Variants in DCLK2 observed in about 807,000 individuals in gnomAD.
The protein encoded by DCLK2 is doublecortin like kinase 2.
Under a neutral mutation model 78.4 loss-of-function variants are expected in DCLK2, and 31 were observed. The observed-to-expected ratio is 0.40, with a 90% CI of 0.30 to 0.53. The LOEUF (loss-of-function observed/expected upper bound fraction) is 0.53, where lower values mean the gene tolerates loss of function less well. Ranked by LOEUF, DCLK2 falls within the 20% of genes least tolerant of loss-of-function variation. DCLK2 has a pLI of 0.61. For synonymous variants in DCLK2, 407 were observed against 374.9 expected (o/e 1.09, Z -0.99); for missense variants, 872 against 973.7 (o/e 0.90, Z 1.39).
At chr4:150,199,432 T>G (rs1465126002) in intron 4 of DCLK2, among the ~76,000 whole-genome samples, 6 of 152,192 alleles carry the variant, frequency 3.9e-5, no homozygotes, top group Admixed American at 3.9e-4. Flanking sequence ...TAGAAGCAAT[T>G]TTGATCTTCT....
chr4:150,248,131 T>C (rs891035574), intron 13 of DCLK2, among the ~76,000 whole-genome samples, 174 bp from the exon 14 acceptor site: 21 of 152,230 alleles, frequency 1.4e-4, no homozygotes, highest in Non-Finnish European at 7.3e-5. Context: ...TCTTTTCTTT[T>C]GCACTGCTTA....
intron 5 of DCLK2, among the ~76,000 whole-genome samples, chr4:150,212,106 A>C (rs1740362965): frequency 6.6e-6 from 1 of 152,230 alleles, no homozygotes; most frequent in African/African-American, 2.4e-5. Flanking sequence ...TCGTGTTTTG[A>C]TGCTGAAGTG....
chr4:150,196,204 C>T (rs1031634631), intron 3 of DCLK2, among the ~76,000 whole-genome samples: 1 of 152,126 alleles, frequency 6.6e-6, no homozygotes, highest in Non-Finnish European at 1.5e-5. Flanking sequence ...AGTGAAGTAA[C>T]TACATCCTCG....
In DCLK2 at chr4:150,106,172, T is replaced by G. The variant is rs542778056; in HGVS notation, c.756+3360T>G. ...ATTGCATTTTCAGCGAACCGGGTATTCTTAAAAGCTATAGTTTTCTTAGTG... is the reference window on the plus strand; with the variant it reads ...ATTGCATTTTCAGCGAACCGGGTATGCTTAAAAGCTATAGTTTTCTTAGTG... On this transcript the variant is annotated intron_variant, in intron 2 of 15. Transcript: ENST00000296550. 1.3e-4 allele frequency among the ~76,000 whole-genome samples: 20 copies of G among 151,538 alleles called. No homozygotes were observed. The South Asian group carries it at 4.1e-3, about 31-fold the overall frequency.
At position 150,240,510 on chromosome 4, in the gene DCLK2, C is replaced by T; in HGVS notation, c.1778+34C>T. On this transcript the variant is annotated intron_variant, in intron 12 of 15. Coordinates refer to ENST00000296550, the MANE Select transcript of DCLK2 (RefSeq NM_001040260.4). Reference sequence around the variant, plus strand: ...CCTTTTGGGCGACGTATTTGAATTGCAAATGTTCTCCCTTGGGTCCAGAAG... The same window carrying T: ...CCTTTTGGGCGACGTATTTGAATTGTAAATGTTCTCCCTTGGGTCCAGAAG... 3.3e-6 allele frequency: 5 copies of T among 1,528,078 alleles called. No individual in the cohort carries two copies. In the South Asian group the frequency reaches 4.5e-5, roughly 14 times the overall value. 94.7% of individuals were successfully genotyped at this position (1,528,078 alleles called of 1,614,324 possible).
chr4:150,209,066 G>A (rs956989057), intron 5 of DCLK2, among the ~76,000 whole-genome samples: 1 of 152,328 alleles, frequency 6.6e-6, no homozygotes, highest in East Asian at 1.9e-4. Context: ...AGGACACAGT[G>A]GGAAAGCAAG....
At chr4:150,127,170 A>T (rs926708870) in intron 2 of DCLK2, among the ~76,000 whole-genome samples, 23 of 152,160 alleles carry the variant, frequency 1.5e-4, no homozygotes, top group African/African-American at 5.5e-4. Flanking sequence ...AGGTTTCTCC[A>T]CCTGTACATT....
intron 2 of DCLK2, among the ~76,000 whole-genome samples, chr4:150,170,120 C>A (rs1168592488): frequency 6.6e-6 from 1 of 152,184 alleles, no homozygotes; most frequent in Non-Finnish European, 1.5e-5. Context: ...GTGGCATGAT[C>A]TTGACTCACT....
chr4:150,119,040 AT>A (rs1732323927), intron 2 of DCLK2, among the ~76,000 whole-genome samples: 1 of 26,558 alleles, frequency 3.8e-5, no homozygotes, highest in African/African-American at 1.5e-4. Context: ...AATAACAATA[AT>A]AATATAATAA....
chr4:150,204,017 G>T (rs970436095), intron 5 of DCLK2, 128 bp downstream of exon 5: 3 of 840,014 alleles, frequency 3.6e-6, no homozygotes, highest in Non-Finnish European at 5.4e-6. Context: ...TTTGAGCCTG[G>T]TAGACTTGAC....
At chr4:150,107,711 A>G (rs1042870137) in intron 2 of DCLK2, among the ~76,000 whole-genome samples, 16 of 152,124 alleles carry the variant, frequency 1.1e-4, no homozygotes, top group Middle Eastern at 3.4e-3. Context: ...ATTTAAATCT[A>G]TTTGTCTTCA....
chr4:150,218,107 G>A (rs988547804), intron 5 of DCLK2, among the ~76,000 whole-genome samples: 2 of 27,822 alleles, frequency 7.2e-5, no homozygotes, highest in African/African-American at 2.5e-4. Flanking sequence ...CCCCCACAAC[G>A]AGGCCCCCTG....
At chr4:150,171,037 T>G (rs1037447093) in intron 2 of DCLK2, among the ~76,000 whole-genome samples, 2 of 152,248 alleles carry the variant, frequency 1.3e-5, no homozygotes, top group Admixed American at 1.3e-4. Flanking sequence ...TTTGGTCTTC[T>G]ATAGGTAGCA....
intron 8 of DCLK2, 131 bp downstream of exon 8, chr4:150,224,689 A>G (rs1741464713): frequency 4.9e-6 from 3 of 609,760 alleles, no homozygotes; most frequent in Non-Finnish European, 8.0e-6. Flanking sequence ...TAATAGTGGG[A>G]AAAACAGTTA....
intron 2 of DCLK2, among the ~76,000 whole-genome samples, chr4:150,109,222 G>C (rs1039974031): frequency 1.3e-5 from 2 of 152,090 alleles, no homozygotes; most frequent in Non-Finnish European, 2.9e-5. Flanking sequence ...TTGTTGATAA[G>C]TATTCATAAA....
rs553829135 is a variant in DCLK2, at chr4:150,219,991, A to G, written c.1057-712A>G. 5.9e-5 allele frequency among the ~76,000 whole-genome samples: 9 copies of G among 152,234 alleles called. No individual in the cohort carries two copies. In the South Asian group the frequency reaches 1.7e-3, roughly 28 times the overall value. On this transcript the variant is annotated intron_variant, in intron 5 of 15. Coordinates refer to ENST00000296550, the MANE Select transcript of DCLK2 (RefSeq NM_001040260.4). ...TAGGAAAAATTTCTCTGGCAATACTATGTGGAATGGGAGAGACTGAGAGTG... is the reference window on the plus strand; with the variant it reads ...TAGGAAAAATTTCTCTGGCAATACTGTGTGGAATGGGAGAGACTGAGAGTG...
intron 3 of DCLK2, among the ~76,000 whole-genome samples, chr4:150,195,407 T>A (rs1172987293): frequency 2.0e-4 from 2 of 9,860 alleles, no homozygotes; most frequent in Admixed American, 1.7e-3. Flanking sequence ...ATATTATATA[T>A]TATATATATT....
intron 2 of DCLK2, among the ~76,000 whole-genome samples, chr4:150,104,795 G>C (rs1731144108): frequency 6.6e-6 from 1 of 151,890 alleles, no homozygotes; most frequent in Non-Finnish European, 1.5e-5. Flanking sequence ...ATTTCTATCT[G>C]AAACAACAAG....
At chr4:150,179,656 T>C (rs1814207) in intron 2 of DCLK2, among the ~76,000 whole-genome samples, 101,346 of 152,020 alleles carry the variant, frequency 0.67, 34,374 homozygotes, top group South Asian at 0.79. Flanking sequence ...TGCATTGATT[T>C]AAAAATTTTA....
Sources: allele counts gnomAD v4.1 joint callset (sites outside exome capture counted in the v4.1 genomes callset), GRCh38; gene constraint gnomAD v4.1.1; transcripts MANE v1.5; gene names NCBI Gene and HGNC (gene_info 2026-07-23, HGNC 2026-07-21).